Variants in SDK1 observed in about 807,000 individuals in gnomAD.
SDK1 encodes the protein protein sidekick-1.
A neutral mutation model predicts 245.5 loss-of-function variants in SDK1; 157 were observed. The observed-to-expected ratio is 0.64, with a 90% CI of 0.56 to 0.73. SDK1 has a LOEUF of 0.73. Among genes scored for constraint, SDK1 ranks in the 30% least tolerant of loss-of-function variants. The pLI, the probability that SDK1 is intolerant of heterozygous loss-of-function variation, is 0.00. For synonymous variants in SDK1, 1,647 were observed against 1,278.5 expected (o/e 1.29, Z -6.15); for missense variants, 3,583 against 3,002.3 (o/e 1.19, Z -4.52).
At chr7:3,956,609 T>C (rs1781282920) in intron 7 of SDK1, among the ~76,000 whole-genome samples, 1 of 152,198 alleles carries the variant, frequency 6.6e-6, no homozygotes, top group South Asian at 2.1e-4. Context: ...AGCACTGAGC[T>C]ACTAAAACTG....
intron 35 of SDK1, among the ~76,000 whole-genome samples, chr7:4,200,482 G>T (rs4723455): frequency 0.36 from 55,484 of 152,190 alleles, 10,698 homozygotes; most frequent in Middle Eastern, 0.5. Flanking sequence ...CTGCCTCAGG[G>T]TCTCTGGGAC....
chr7:3,812,786 C>G (rs547576623), intron 4 of SDK1, among the ~76,000 whole-genome samples: 3 of 152,282 alleles, frequency 2.0e-5, no homozygotes, highest in East Asian at 3.9e-4. Flanking sequence ...TCTGAGCAAG[C>G]CTGCCTGCCT....
At chr7:3,696,103 C>T (rs1784565982) in intron 4 of SDK1, among the ~76,000 whole-genome samples, 2 of 152,108 alleles carry the variant, frequency 1.3e-5, no homozygotes, top group African/African-American at 4.8e-5. Context: ...TCTTCTCACT[C>T]TAAACTGTCT....
rs1485414687 is a variant in SDK1, at chr7:3,505,551, T to A, written c.299-113529T>A. ...TAGGCATGAGCCACTGCACTTGGCT[T>A]ATTGTTTATCTTAATATATCTCTTC... On this transcript the variant is annotated intron_variant, in intron 1 of 44. Coordinates refer to ENST00000404826, the MANE Select transcript of SDK1 (RefSeq NM_152744.4). Among the ~76,000 whole-genome samples the A allele has an allele frequency of 1.3e-5, 2 of 152,200 alleles. 1 individual carries two copies. Among genetic ancestry groups the A allele is most frequent in the African/African-American group, 4.8e-5 (2 of 41,442 alleles).
rs568319620 is a variant in SDK1 at position 4,094,044 on chromosome 7, G to A, written c.3324+14460G>A. Among the ~76,000 whole-genome samples, 4 of 152,134 alleles carry A rather than the reference G, an allele frequency of 2.6e-5. 1 individual carries two copies. The highest frequency in any genetic ancestry group is 1.9e-4 in the East Asian group (1 of 5,162). ...GTCCCCTTTTTGCCTAAACGGCCAG[G>A]GTGGTTTTTTTTGTGTTTTTTGCTT... is the stretch of plus-strand genomic sequence containing the variant. On this transcript the variant is annotated intron_variant, in intron 22 of 44. Transcript: ENST00000404826.
chr7:3,344,261 T>C (rs991260635), intron 1 of SDK1, among the ~76,000 whole-genome samples: 4 of 152,172 alleles, frequency 2.6e-5, no homozygotes, highest in South Asian at 2.1e-4. Context: ...GTAAAATATA[T>C]CCTAATTTTT....
intron 4 of SDK1, among the ~76,000 whole-genome samples, chr7:3,810,370 A>G (rs1158038260): frequency 3.9e-5 from 6 of 152,108 alleles, no homozygotes; most frequent in Admixed American, 6.6e-5. Context: ...ATTTTAGCAG[A>G]AAAAGTCTTG....
chr7:3,604,974 C>G (rs1781374744), intron 1 of SDK1, among the ~76,000 whole-genome samples: 1 of 151,894 alleles, frequency 6.6e-6, no homozygotes, highest in African/African-American at 2.4e-5. Flanking sequence ...TGGAGATATT[C>G]CTGTTGTCTT....
rs149260567 is a variant in SDK1, at chr7:4,135,781, C to T, written c.4228+3358C>T. Reference sequence around the variant, plus strand: ...TGAGTGCTGAGTAAACGTTAGCTTCCGTATCAGATCGAATATTTCATCGTT... The same window carrying T: ...TGAGTGCTGAGTAAACGTTAGCTTCTGTATCAGATCGAATATTTCATCGTT... On this transcript the variant is annotated intron_variant, in intron 28 of 44. Coordinates refer to ENST00000404826, the MANE Select transcript of SDK1 (RefSeq NM_152744.4). Among the ~76,000 whole-genome samples the T allele has an allele frequency of 8.5e-5, 13 of 152,302 alleles. No homozygotes were observed. The East Asian group carries it at 2.1e-3, about 25-fold the overall frequency.
chr7:3,981,936 G>A (rs1488040338), intron 13 of SDK1, among the ~76,000 whole-genome samples: 1 of 152,248 alleles, frequency 6.6e-6, no homozygotes, highest in Non-Finnish European at 1.5e-5. Context: ...ACAGTAACAA[G>A]AAATTTGCAG....
chr7:3,677,330 A>G (rs1328732780), intron 4 of SDK1, among the ~76,000 whole-genome samples: 1 of 152,208 alleles, frequency 6.6e-6, no homozygotes, highest in Non-Finnish European at 1.5e-5. Flanking sequence ...TAACACTGCT[A>G]GTAAAGACAT....
intron 1 of SDK1, among the ~76,000 whole-genome samples, chr7:3,437,667 C>T (rs563817383): frequency 5.9e-5 from 9 of 152,046 alleles, no homozygotes; most frequent in Middle Eastern, 3.2e-3. Context: ...TTTCAGGGGG[C>T]AGGGCTAGGA....
At chr7:3,844,186 G>A (rs912418789) in intron 5 of SDK1, among the ~76,000 whole-genome samples, 1 of 152,112 alleles carries the variant, frequency 6.6e-6, no homozygotes, top group East Asian at 1.9e-4. Flanking sequence ...GGCCAGACTG[G>A]TCTTGAGCTC....
chr7:3,347,573 C>T (rs893275474), intron 1 of SDK1, among the ~76,000 whole-genome samples: 2 of 152,170 alleles, frequency 1.3e-5, no homozygotes, highest in Non-Finnish European at 2.9e-5. Context: ...TGTTTCATTT[C>T]TGACCAATTT....
chr7:4,145,239 C>G lies in SDK1; in HGVS notation c.4229-483C>G, dbSNP rs557339998. ...GGAGCTGGGGGGTCAGAGGTGCAGG[C>G]AGACAGGGAAGACAAAGGAGGGAAG... On this transcript the variant is annotated intron_variant, in intron 28 of 44. Coordinates refer to ENST00000404826, the MANE Select transcript of SDK1 (RefSeq NM_152744.4). Among the ~76,000 whole-genome samples, 6 of 152,224 alleles carry G rather than the reference C, an allele frequency of 3.9e-5. No homozygotes were observed. In the East Asian group the frequency reaches 1.2e-3, roughly 30 times the overall value.
intron 1 of SDK1, among the ~76,000 whole-genome samples, chr7:3,516,739 ATTG>A (rs1342044565): frequency 1.3e-5 from 2 of 152,182 alleles, no homozygotes; most frequent in African/African-American, 4.8e-5. Flanking sequence ...GAAGAACTCT[ATTG>A]TTTGACAACA....
intron 1 of SDK1, among the ~76,000 whole-genome samples, chr7:3,375,873 G>C (rs570113648): frequency 6.6e-6 from 1 of 152,284 alleles, no homozygotes; most frequent in East Asian, 1.9e-4. Flanking sequence ...TCACAGAAAT[G>C]GTGTGAGAAA....
chr7:3,352,610 C>G (rs563943355), intron 1 of SDK1, among the ~76,000 whole-genome samples: 4 of 152,276 alleles, frequency 2.6e-5, no homozygotes, highest in East Asian at 3.9e-4. Flanking sequence ...GTAGATATTT[C>G]TGTTTCCATG....
chr7:4,206,726 G>A (rs1178520506), intron 36 of SDK1, among the ~76,000 whole-genome samples: 1 of 152,088 alleles, frequency 6.6e-6, no homozygotes, highest in Non-Finnish European at 1.5e-5. Flanking sequence ...TAAGCATCCG[G>A]GGTCTTTGCC....
Sources: allele counts gnomAD v4.1 joint callset (sites outside exome capture counted in the v4.1 genomes callset), GRCh38; gene constraint gnomAD v4.1.1; transcripts MANE v1.5; gene names NCBI Gene and HGNC (gene_info 2026-07-23, HGNC 2026-07-21).